Variants in TTLL11 observed in about 807,000 individuals in gnomAD.
The protein encoded by TTLL11 is tubulin polyglutamylase TTLL11.
A neutral mutation model predicts 51.7 loss-of-function variants in TTLL11; 42 were observed. The ratio of observed to expected loss-of-function variants is 0.81; its 90% confidence interval spans 0.64 to 1.05. TTLL11 has a LOEUF of 1.05. Ranked by LOEUF, TTLL11 falls within the 50% of genes least tolerant of loss-of-function variation. The pLI is 0.00. For missense variants in TTLL11, 799 were observed against 940.4 expected, an observed-to-expected ratio of 0.85 and a Z score of 1.97; for synonymous variants, 381 against 383.5, an observed-to-expected ratio of 0.99 and a Z score of 0.08.
intron 7 of TTLL11, 34 bp downstream of exon 7, chr9:121,870,463 A>G (rs1588083121): frequency 6.5e-7 from 1 of 1,540,022 alleles, no homozygotes. Context: ...CACCCAGCCC[A>G]AAGCCCAAGC....
At chr9:122,088,011 G>A (rs1007929153) in intron 1 of TTLL11, among the ~76,000 whole-genome samples, 2 of 152,170 alleles carry the variant, frequency 1.3e-5, no homozygotes, top group Non-Finnish European at 2.9e-5. Context: ...GCCAGAACGG[G>A]TATGACTGCA....
At position 121,956,934 on chromosome 9, in the gene TTLL11, C is replaced by T. The variant is rs117567336; in HGVS notation, c.1481+17075G>A. 9.3e-3 allele frequency among the ~76,000 whole-genome samples: 1,414 copies of T among 152,312 alleles called. 21 individuals carry two copies. The highest frequency in any genetic ancestry group is 0.023 in the South Asian group (113 of 4,828). The stretch of plus-strand genomic sequence containing the variant: ...AGTGGATCTGCCCCATCCAGTCCTA[C>T]GCCTTGCTGACCTCAGCAGGGAGTA... On this transcript the variant is annotated intron_variant, in intron 6 of 8. Transcript: ENST00000321582.
Position 122,092,920 on chromosome 9 carries a change from T to TC in TTLL11, c.228dup (p.Asn77GlufsTer88), listed in dbSNP as rs1427429306. 8.2e-6 allele frequency: 13 copies of TC among 1,579,184 alleles called. No homozygotes were observed. The highest frequency in any genetic ancestry group is 1.1e-5 in the Non-Finnish European group (13 of 1,170,444). On this transcript the variant is annotated frameshift_variant, in exon 1 of 9. Coordinates refer to ENST00000321582, the MANE Select transcript of TTLL11 (RefSeq NM_001139442.2). LOFTEE classifies it high-confidence loss of function. ...GGCGGCCGCTGAAGGACCTGGGTGT[T>TC]CCCCTCCTCAGCCGCACTGGGCTGC...
At chr9:121,886,412 G>C (rs891990447) in intron 6 of TTLL11, among the ~76,000 whole-genome samples, 2 of 152,206 alleles carry the variant, frequency 1.3e-5, no homozygotes, top group Non-Finnish European at 2.9e-5. Context: ...TTATAGGAGA[G>C]AGATAGAGGG....
intron 6 of TTLL11, among the ~76,000 whole-genome samples, chr9:121,898,209 C>T (rs1037542269): frequency 2.3e-4 from 35 of 152,298 alleles, no homozygotes; most frequent in Non-Finnish European, 4.1e-4. Flanking sequence ...CCACCATGTC[C>T]GGCTCCATTC....
chr9:122,070,912 G>C (rs893709837), intron 1 of TTLL11, among the ~76,000 whole-genome samples: 1 of 152,080 alleles, frequency 6.6e-6, no homozygotes, highest in African/African-American at 2.4e-5. Context: ...TTATGGAGAG[G>C]ACAGGCTCCA....
At chr9:122,069,854 G>A (rs1845683912) in intron 1 of TTLL11, among the ~76,000 whole-genome samples, 1 of 152,002 alleles carries the variant, frequency 6.6e-6, no homozygotes, top group Non-Finnish European at 1.5e-5. Context: ...GAGGCCAGAG[G>A]ACAGAGAGAG....
At chr9:121,976,277 T>C (rs1256149669) in intron 4 of TTLL11, among the ~76,000 whole-genome samples, 1 of 152,212 alleles carries the variant, frequency 6.6e-6, no homozygotes, top group Non-Finnish European at 1.5e-5. Context: ...CTCGGGTTTC[T>C]TTCTATTCCT....
chr9:121,895,689 AT>A (rs1203746741), intron 6 of TTLL11, among the ~76,000 whole-genome samples: 1 of 8,682 alleles, frequency 1.2e-4, no homozygotes, highest in Non-Finnish European at 2.4e-4. Flanking sequence ...GTCTGTGTGA[AT>A]GTGTGATTGT....
intron 6 of TTLL11, among the ~76,000 whole-genome samples, chr9:121,930,015 A>T (rs1241251269): frequency 6.6e-6 from 1 of 152,234 alleles, no homozygotes; most frequent in Admixed American, 6.5e-5. Context: ...TAATGGAACA[A>T]ATGCCTGTCA....
intron 6 of TTLL11, among the ~76,000 whole-genome samples, chr9:121,909,670 G>A (rs1175246572): frequency 3.3e-5 from 5 of 152,204 alleles, no homozygotes; most frequent in African/African-American, 1.2e-4. Flanking sequence ...ACAAGCAGAT[G>A]TATCCATGGA....
At chr9:121,916,526 A>T (rs1429884971) in intron 6 of TTLL11, among the ~76,000 whole-genome samples, 1 of 152,062 alleles carries the variant, frequency 6.6e-6, no homozygotes. Context: ...AATAAAGAAA[A>T]AAAAGCCTTG....
chr9:122,046,860 C>T (rs905478470), intron 1 of TTLL11, among the ~76,000 whole-genome samples: 2 of 152,144 alleles, frequency 1.3e-5, no homozygotes, highest in African/African-American at 4.8e-5. Flanking sequence ...GTACATGCCA[C>T]AGAACAACAC....
intron 6 of TTLL11, among the ~76,000 whole-genome samples, chr9:121,950,351 G>A (rs1355143152): frequency 2.6e-5 from 4 of 152,028 alleles, no homozygotes; most frequent in Non-Finnish European, 5.9e-5. Context: ...CACATCCCAG[G>A]CACTGTTTAG....
In TTLL11 at chr9:121,822,361, A is replaced by G; in HGVS notation, c.*226T>C. 1 of 403,460 alleles carries G rather than the reference A, an allele frequency of 2.5e-6. No homozygotes were observed. The highest frequency in any genetic ancestry group is 4.4e-6 in the Non-Finnish European group (1 of 227,108). 25.0% of individuals were successfully genotyped at this position (403,460 alleles called of 1,614,324 possible). The stretch of plus-strand genomic sequence containing the variant: ...TTAGATGTCATATGTCCGATGACTG[A>G]TGACTCAGAAACAGGGTGTATCACC... On this transcript the variant is annotated 3_prime_UTR_variant, in exon 9 of 9. Coordinates refer to ENST00000321582, the MANE Select transcript of TTLL11 (RefSeq NM_001139442.2). This position sits in a 1 kb window ranked among gnomAD's most constrained non-coding sequence, Gnocchi z 5.8.
intron 7 of TTLL11, among the ~76,000 whole-genome samples, chr9:121,865,574 C>T (rs1323632014): frequency 6.6e-6 from 1 of 152,010 alleles, no homozygotes; most frequent in Non-Finnish European, 1.5e-5. Flanking sequence ...TACATAGATG[C>T]CCCCCAAATC....
intron 6 of TTLL11, among the ~76,000 whole-genome samples, chr9:121,922,739 G>C (rs139431398): frequency 1.4e-5 from 2 of 147,292 alleles, no homozygotes; most frequent in East Asian, 4.1e-4. Context: ...TTATTTTAGC[G>C]CAAAGGGTCA....
intron 8 of TTLL11, among the ~76,000 whole-genome samples, chr9:121,839,323 T>C (rs936307198): frequency 2.0e-5 from 3 of 152,192 alleles, no homozygotes; most frequent in Non-Finnish European, 4.4e-5. Context: ...GGGCGGCTCA[T>C]TGAACATTAG....
intron 6 of TTLL11, among the ~76,000 whole-genome samples, chr9:121,934,470 A>G (rs961823678): frequency 6.6e-6 from 1 of 152,226 alleles, no homozygotes; most frequent in African/African-American, 2.4e-5. Flanking sequence ...TGTCAAGCTC[A>G]TGGCGGCAGA....
Sources: allele counts gnomAD v4.1 joint callset (sites outside exome capture counted in the v4.1 genomes callset), GRCh38; gene constraint gnomAD v4.1.1; non-coding constraint Gnocchi (gnomAD v3.1); transcripts MANE v1.5; gene names NCBI Gene and HGNC (gene_info 2026-07-23, HGNC 2026-07-21).